The following SPRR2G variants were observed in gnomAD, a reference collection of about 807,000 sequenced individuals.
SPRR2G encodes the protein small proline rich protein 2G.
In SPRR2G, 1 loss-of-function variant was observed where a neutral mutation model predicts 0.7. The ratio of observed to expected loss-of-function variants is 1.49; its 90% CI spans 0.53 to 7.06. The LOEUF is 7.06. SPRR2G is among the 30% of genes most tolerant of loss of function. The pLI, the probability that SPRR2G is intolerant of heterozygous loss-of-function variation, is 0.14. For synonymous variants in SPRR2G, 38 were observed against 33.9 expected (o/e 1.12, Z -0.42); for missense variants, 96 against 88.5 (o/e 1.09, Z -0.34).
At chr1:153,184,413 G>C in the SPRR2G span, among the ~76,000 whole-genome samples, 2 of 152,110 alleles carry the variant, frequency 1.3e-5, no homozygotes, top group Admixed American at 6.6e-5. Flanking sequence ...TCCTTGAAGA[G>C]GTCCTTCACG....
the SPRR2G span, among the ~76,000 whole-genome samples, chr1:153,187,579 T>TAA: frequency 6.6e-6 from 1 of 152,192 alleles, no homozygotes; most frequent in Admixed American, 6.5e-5. Flanking sequence ...TCCAAACTGG[T>TAA]TATTCTAGTT....
the SPRR2G span, among the ~76,000 whole-genome samples, chr1:153,192,936 G>C: frequency 6.6e-6 from 1 of 152,196 alleles, no homozygotes; most frequent in African/African-American, 2.4e-5. Context: ...AAAGATCAGA[G>C]CTACCTGGGC....
chr1:153,157,781 C>G, the SPRR2G span, among the ~76,000 whole-genome samples: 1 of 152,082 alleles, frequency 6.6e-6, no homozygotes, highest in Admixed American at 6.6e-5. Context: ...AGGATACTAC[C>G]TGGGACTGGG....
the SPRR2G span, among the ~76,000 whole-genome samples, chr1:153,159,385 C>A: frequency 6.6e-6 from 1 of 152,172 alleles, no homozygotes; most frequent in Non-Finnish European, 1.5e-5. Flanking sequence ...CATCTGAGAA[C>A]AACTCAGCCT....
the SPRR2G span, among the ~76,000 whole-genome samples, chr1:153,197,464 A>G: frequency 6.6e-6 from 1 of 152,270 alleles, no homozygotes; most frequent in Non-Finnish European, 1.5e-5. Context: ...CCTCTGACAG[A>G]CAGTTTATTT....
the SPRR2G span, among the ~76,000 whole-genome samples, chr1:153,167,206 G>A: frequency 2.0e-5 from 3 of 152,202 alleles, no homozygotes; most frequent in Non-Finnish European, 4.4e-5. Context: ...CAGGCGTGGT[G>A]GCTCATGCCT....
upstream of SPRR2G, among the ~76,000 whole-genome samples, chr1:153,155,496 G>T (rs1656564494): frequency 6.6e-6 from 1 of 152,038 alleles, no homozygotes; most frequent in African/African-American, 2.4e-5. Flanking sequence ...CTCATCTCTT[G>T]CTCGATTATT....
chr1:153,180,304 C>T, the SPRR2G span, among the ~76,000 whole-genome samples: 1 of 152,130 alleles, frequency 6.6e-6, no homozygotes, highest in East Asian at 1.9e-4. Flanking sequence ...TTTTTCCTGG[C>T]ATCTAACACT....
chr1:153,183,171 C>G, the SPRR2G span, among the ~76,000 whole-genome samples: 1 of 142,074 alleles, frequency 7.0e-6, no homozygotes, highest in African/African-American at 2.5e-5. Flanking sequence ...TGGGTTCAAG[C>G]GATTCTTTAA....
At chr1:153,197,740 G>C in the SPRR2G span, among the ~76,000 whole-genome samples, 1 of 152,166 alleles carries the variant, frequency 6.6e-6, no homozygotes, top group Non-Finnish European at 1.5e-5. Flanking sequence ...TGGGGGTCCA[G>C]AGCAGTCCAC....
chr1:153,189,028 G>A, the SPRR2G span, among the ~76,000 whole-genome samples: 2 of 152,194 alleles, frequency 1.3e-5, no homozygotes, highest in African/African-American at 4.8e-5. Context: ...ACCTCAGTTG[G>A]AAATGCAGAA....
the SPRR2G span, among the ~76,000 whole-genome samples, chr1:153,201,096 C>A: frequency 6.6e-6 from 1 of 152,170 alleles, no homozygotes; most frequent in Non-Finnish European, 1.5e-5. Context: ...TCTCTTCTTC[C>A]AGCCTCTCGT....
chr1:153,197,539 T>C, the SPRR2G span, among the ~76,000 whole-genome samples: 4 of 152,282 alleles, frequency 2.6e-5, no homozygotes, highest in Non-Finnish European at 5.9e-5. Flanking sequence ...AAATATTCAC[T>C]GAGCATCTAT....
chr1:153,165,558 G>A, the SPRR2G span, among the ~76,000 whole-genome samples: 1 of 152,306 alleles, frequency 6.6e-6, no homozygotes, highest in East Asian at 1.9e-4. Context: ...AAAACTGCAA[G>A]AGGATGAGGC....
the SPRR2G span, among the ~76,000 whole-genome samples, chr1:153,178,192 A>C: frequency 6.6e-6 from 1 of 152,158 alleles, no homozygotes; most frequent in African/African-American, 2.4e-5. Flanking sequence ...TGTGGCCTTG[A>C]TAAAGTTCCA....
the SPRR2G span, among the ~76,000 whole-genome samples, chr1:153,201,684 T>C: frequency 6.6e-6 from 1 of 152,264 alleles, no homozygotes; most frequent in African/African-American, 2.4e-5. Flanking sequence ...CATTCTCCTC[T>C]TTTATTTAGG....
At chr1:153,187,859 A>G in the SPRR2G span, among the ~76,000 whole-genome samples, 1 of 152,134 alleles carries the variant, frequency 6.6e-6, no homozygotes, top group Non-Finnish European at 1.5e-5. Flanking sequence ...TTGAGCTTTA[A>G]TGCTGACGCC....
the SPRR2G span, among the ~76,000 whole-genome samples, chr1:153,183,286 C>T: frequency 1.2e-3 from 177 of 150,410 alleles, no homozygotes; most frequent in Non-Finnish European, 2.1e-3. Flanking sequence ...AGAGTTTCTC[C>T]ATGCTGGTCA....
chr1:153,187,880 G>GC, the SPRR2G span, among the ~76,000 whole-genome samples: 9 of 152,108 alleles, frequency 5.9e-5, no homozygotes, highest in Non-Finnish European at 1.0e-4. Flanking sequence ...CTTTGGATGG[G>GC]GTTTTTGAGT....
Sources: allele counts gnomAD v4.1 joint callset (sites outside exome capture counted in the v4.1 genomes callset), GRCh38; gene constraint gnomAD v4.1.1; transcripts MANE v1.5; gene names NCBI Gene and HGNC (gene_info 2026-07-23, HGNC 2026-07-21).